Variants in KCNT2 observed in about 807,000 individuals in gnomAD.
KCNT2 encodes the protein potassium channel subfamily T member 2.
In KCNT2, 67 loss-of-function variants were observed where a neutral mutation model predicts 153.8. That is an observed-to-expected ratio of 0.44 (90% CI 0.36 to 0.53). KCNT2 has a LOEUF of 0.53. Ranked by LOEUF, KCNT2 falls within the 20% of genes least tolerant of loss-of-function variation. The probability of loss-of-function intolerance (pLI) is 0.00; values close to 1 mark genes in which losing one functional copy is unlikely to be tolerated. For missense variants in KCNT2, 975 were observed against 1,354.8 expected (o/e 0.72, Z 4.40); for synonymous variants, 500 against 458.8 (o/e 1.09, Z -1.15).
At chr1:196,590,298 A>G (rs1218461981) in intron 1 of KCNT2, among the ~76,000 whole-genome samples, 1 of 152,206 alleles carries the variant, frequency 6.6e-6, no homozygotes, top group Non-Finnish European at 1.5e-5. Flanking sequence ...AAAATACAAA[A>G]GGCTGAGGGT....
intron 4 of KCNT2, among the ~76,000 whole-genome samples, chr1:196,481,550 C>T (rs1015375232): frequency 6.6e-6 from 1 of 152,188 alleles, no homozygotes; most frequent in Non-Finnish European, 1.5e-5. Context: ...ACTCAAGTGT[C>T]TTCCAATCTC....
intron 26 of KCNT2, among the ~76,000 whole-genome samples, chr1:196,247,220 A>G (rs527877269): frequency 6.6e-6 from 1 of 152,326 alleles, no homozygotes; most frequent in Admixed American, 6.5e-5. Flanking sequence ...GGGTAAATTT[A>G]GAAAAAGGAT....
intron 14 of KCNT2, among the ~76,000 whole-genome samples, chr1:196,357,817 G>C (rs771098051): frequency 4.0e-5 from 6 of 151,834 alleles, no homozygotes; most frequent in Non-Finnish European, 8.8e-5. Flanking sequence ...CAATGACTCT[G>C]TGACTATATT....
At chr1:196,387,178 C>T (rs76602768) in intron 13 of KCNT2, among the ~76,000 whole-genome samples, 5 of 152,086 alleles carry the variant, frequency 3.3e-5, no homozygotes, top group African/African-American at 1.2e-4. Context: ...CTACCTACTA[C>T]TATATATTCC....
At chr1:196,585,980 G>T (rs372674541) in intron 1 of KCNT2, among the ~76,000 whole-genome samples, 6 of 152,114 alleles carry the variant, frequency 3.9e-5, no homozygotes, top group Admixed American at 3.3e-4. Flanking sequence ...GGCCAAGCAT[G>T]ATGACTCATG....
intron 1 of KCNT2, among the ~76,000 whole-genome samples, chr1:196,537,080 C>G (rs1455714778): frequency 4.6e-5 from 7 of 152,178 alleles, no homozygotes; most frequent in Non-Finnish European, 7.3e-5. Context: ...TTCAAATGGG[C>G]TCCCCTGGTT....
intron 26 of KCNT2, among the ~76,000 whole-genome samples, chr1:196,255,617 T>C (rs1467356521): frequency 6.6e-6 from 1 of 151,848 alleles, no homozygotes; most frequent in Non-Finnish European, 1.5e-5. Context: ...AATTAATGGT[T>C]CTGCAGTAAA....
intron 1 of KCNT2, among the ~76,000 whole-genome samples, chr1:196,544,966 C>T (rs1656886926): frequency 6.6e-6 from 1 of 151,932 alleles, no homozygotes; most frequent in South Asian, 2.1e-4. Flanking sequence ...GGATTTAAAA[C>T]TAATGTTTAT....
chr1:196,366,313 C>G (rs1353559158), intron 14 of KCNT2, among the ~76,000 whole-genome samples: 1 of 151,982 alleles, frequency 6.6e-6, no homozygotes, highest in African/African-American at 2.4e-5. Flanking sequence ...GCATGCACCA[C>G]CATGCCAGGC....
At chr1:196,489,690 T>C (rs1290143374) in intron 3 of KCNT2, 148 bp downstream of exon 3, 1 of 519,798 alleles carries the variant, frequency 1.9e-6, no homozygotes, top group African/African-American at 2.0e-5. Context: ...AATTATGTAG[T>C]GCCTGTAAAT....
intron 1 of KCNT2, among the ~76,000 whole-genome samples, chr1:196,512,953 G>C (rs1307374336): frequency 1.3e-5 from 2 of 152,076 alleles, no homozygotes; most frequent in Non-Finnish European, 1.5e-5. Context: ...TAGTGACACA[G>C]AAGGAAGTAT....
intron 8 of KCNT2, among the ~76,000 whole-genome samples, chr1:196,456,118 C>T (rs897266450): frequency 2.0e-5 from 3 of 152,006 alleles, no homozygotes; most frequent in Non-Finnish European, 4.4e-5. Context: ...TGGCACTTTT[C>T]TTGCCTGCCT....
chr1:196,440,646 C>T (rs1325527690), intron 8 of KCNT2, among the ~76,000 whole-genome samples: 1 of 151,896 alleles, frequency 6.6e-6, no homozygotes, highest in African/African-American at 2.4e-5. Flanking sequence ...GTGGATTACA[C>T]AGCCCTGGAG....
intron 25 of KCNT2, among the ~76,000 whole-genome samples, chr1:196,279,249 G>A (rs113853870): frequency 1.3e-5 from 2 of 151,842 alleles, no homozygotes; most frequent in African/African-American, 4.8e-5. Flanking sequence ...TAAAATTTTA[G>A]GCATATCTAG....
intron 1 of KCNT2, among the ~76,000 whole-genome samples, chr1:196,563,277 T>C (rs1047227462): frequency 6.6e-6 from 1 of 151,790 alleles, no homozygotes; most frequent in African/African-American, 2.4e-5. Flanking sequence ...CCTTTTCCAA[T>C]CACTAGTAAT....
chr1:196,467,090 G>A (rs995175752), intron 7 of KCNT2, among the ~76,000 whole-genome samples: 2 of 152,006 alleles, frequency 1.3e-5, no homozygotes. Context: ...CACTGCATAT[G>A]AGACTACCTA....
chr1:196,589,550 C>G (rs1663091711), intron 1 of KCNT2, among the ~76,000 whole-genome samples: 1 of 151,994 alleles, frequency 6.6e-6, no homozygotes, highest in Non-Finnish European at 1.5e-5. Flanking sequence ...GGGGAGTTTA[C>G]CAAACCAAAA....
intron 22 of KCNT2, among the ~76,000 whole-genome samples, chr1:196,299,709 C>G (rs1377744171): frequency 6.6e-6 from 1 of 152,056 alleles, no homozygotes; most frequent in Non-Finnish European, 1.5e-5. Context: ...CTTCAAAAAA[C>G]TAATAGAACT....
At chr1:196,428,815 A>C (rs912552864) in intron 9 of KCNT2, among the ~76,000 whole-genome samples, 5 of 152,108 alleles carry the variant, frequency 3.3e-5, no homozygotes, top group African/African-American at 1.2e-4. Context: ...TTTGCAATGG[A>C]ATATGCAAGT....
Sources: allele counts gnomAD v4.1 joint callset (sites outside exome capture counted in the v4.1 genomes callset), GRCh38; gene constraint gnomAD v4.1.1; transcripts MANE v1.5; gene names NCBI Gene and HGNC (gene_info 2026-07-23, HGNC 2026-07-21).